KCNK13: variants seen among roughly 807,000 people sequenced by gnomAD.
The protein encoded by KCNK13 is potassium two pore domain channel subfamily K member 13, also known as potassium channel subfamily K member 13.
Under a neutral mutation model 23.4 loss-of-function variants are expected in KCNK13, and 12 were observed. The ratio of observed to expected loss-of-function variants is 0.51; its 90% CI spans 0.33 to 0.83. KCNK13 has a LOEUF of 0.83. Ranked by LOEUF, KCNK13 falls within the 40% of genes least tolerant of loss-of-function variation. KCNK13 has a pLI of 0.02. For synonymous variants in KCNK13, 231 were observed against 229.5 expected (o/e 1.01, Z -0.06); for missense variants, 463 against 556.3 (o/e 0.83, Z 1.69).
chr14:90,184,083 A>G lies in KCNK13; in HGVS notation c.335-28A>G. ...CCCATTCACAGCAAAGATTTCTCTT[A>G]CTCTTCTCTCATTTTTCTCTCCTGC... On this transcript the variant is annotated intron_variant, in intron 1 of 1. Transcript: ENST00000282146. The surrounding 1 kb of genome is among the most constrained non-coding windows in gnomAD (Gnocchi z 5.6). The G allele has an allele frequency of 2.5e-6, 4 of 1,591,444 alleles. No homozygotes were observed. Among genetic ancestry groups the G allele is most frequent in the Non-Finnish European group, 3.4e-6 (4 of 1,166,762 alleles).
At chr14:90,157,959 C>T (rs549887975) in intron 1 of KCNK13, among the ~76,000 whole-genome samples, 2 of 152,314 alleles carry the variant, frequency 1.3e-5, no homozygotes, top group African/African-American at 4.8e-5. Flanking sequence ...CCTCAGCCTC[C>T]CAGAGTGCTG....
chr14:90,136,414 A>G (rs1353396834), intron 1 of KCNK13, among the ~76,000 whole-genome samples: 1 of 151,984 alleles, frequency 6.6e-6, no homozygotes, highest in Non-Finnish European at 1.5e-5. Flanking sequence ...AGTCCAAGTG[A>G]GAAGAGAGAC....
intron 1 of KCNK13, among the ~76,000 whole-genome samples, chr14:90,068,830 G>A (rs372028356): frequency 6.6e-6 from 1 of 151,966 alleles, no homozygotes; most frequent in Non-Finnish European, 1.5e-5. Flanking sequence ...GAGGAGGTGA[G>A]CTCACCTGCT....
intron 1 of KCNK13, among the ~76,000 whole-genome samples, chr14:90,144,643 G>C (rs1425484155): frequency 1.3e-5 from 2 of 151,786 alleles, no homozygotes; most frequent in East Asian, 1.9e-4. Context: ...CCATGTCCTA[G>C]AGATGGGGTT....
intron 1 of KCNK13, among the ~76,000 whole-genome samples, chr14:90,136,138 G>C (rs1038867559): frequency 1.3e-5 from 2 of 152,030 alleles, no homozygotes; most frequent in African/African-American, 2.4e-5. Flanking sequence ...CCAGAATGTG[G>C]ATGACAGCAG....
At chr14:90,129,422 G>A (rs1250584953) in intron 1 of KCNK13, among the ~76,000 whole-genome samples, 1 of 152,122 alleles carries the variant, frequency 6.6e-6, no homozygotes, top group Non-Finnish European at 1.5e-5. Context: ...ACATATGGCT[G>A]CGCCCCATCC....
At chr14:90,140,356 C>G (rs1889990968) in intron 1 of KCNK13, among the ~76,000 whole-genome samples, 1 of 152,182 alleles carries the variant, frequency 6.6e-6, no homozygotes. Context: ...CAAAAACATT[C>G]TGGTTCTTGA....
rs149673815 is a variant in KCNK13, at chr14:90,092,441, G to A, written c.334+29902G>A. On this transcript the variant is annotated intron_variant, in intron 1 of 1. Transcript: ENST00000282146. ...ATGTAGGTTATGAAACACAGATGCAGTAAGGGCACACTTAAAAAGAAAGAA... is the reference window on the plus strand; with the variant it reads ...ATGTAGGTTATGAAACACAGATGCAATAAGGGCACACTTAAAAAGAAAGAA... Among the ~76,000 whole-genome samples the A allele has an allele frequency of 2.2e-3, 329 of 152,248 alleles. 2 individuals are homozygous for A. Among genetic ancestry groups the A allele is most frequent in the African/African-American group, 7.6e-3 (314 of 41,548 alleles).
chr14:90,062,306 G>C lies in KCNK13; in HGVS notation c.101G>C (p.Gly34Ala), dbSNP rs1298642355. The change falls in exon 1 of 2, where the codon GGC becomes GCC. Residue 34 changes from glycine (G) to alanine (A), a missense_variant. By Grantham distance (60) the Gly-to-Ala change is moderately conservative. Transcript: ENST00000282146. This position sits in a 1 kb window ranked among gnomAD's most constrained non-coding sequence, Gnocchi z 4.5. ...CTCATCGTGCTCTACCTGCTGGGCG[G>C]CGCCGCCGTCTTCTCCGCGCTGGAG... ...AALIVLYLLG[G>A]AAVFSALELA... 1 of 1,558,702 alleles carries C rather than the reference G, an allele frequency of 6.4e-7. No individual in the cohort carries two copies. Among genetic ancestry groups the C allele is most frequent in the Non-Finnish European group, 8.6e-7 (1 of 1,160,092 alleles).
chr14:90,141,800 G>GGGGT, intron 1 of KCNK13, among the ~76,000 whole-genome samples: 1 of 148,764 alleles, frequency 6.7e-6, no homozygotes, highest in South Asian at 2.1e-4. Flanking sequence ...TTTTTGGGGG[G>GGGGT]GGGGACGGAG....
intron 1 of KCNK13, among the ~76,000 whole-genome samples, chr14:90,177,008 G>A (rs916076176): frequency 1.2e-4 from 18 of 151,930 alleles, no homozygotes; most frequent in African/African-American, 4.4e-4. Flanking sequence ...GACAGAGCGG[G>A]ACTCCATCTC....
rs192481483 is a variant in KCNK13, at chr14:90,125,262, C to T, written c.335-58849C>T. Among the ~76,000 whole-genome samples the T allele has an allele frequency of 2.5e-3, 383 of 150,662 alleles. 1 individual carries two copies. Among genetic ancestry groups the T allele is most frequent in the African/African-American group, 9.1e-3 (375 of 41,016 alleles). On this transcript the variant is annotated intron_variant, in intron 1 of 1. Transcript: ENST00000282146. ...TTTTTGAGATGGAGTCTCACTCTGT[C>T]GCCGAGGCTGGAGTGCAGTGGCGTG... is the stretch of plus-strand genomic sequence containing the variant.
chr14:90,125,417 G>T (rs1163243860), intron 1 of KCNK13, among the ~76,000 whole-genome samples: 1 of 151,830 alleles, frequency 6.6e-6, no homozygotes, highest in Non-Finnish European at 1.5e-5. Flanking sequence ...TAGAGACGGG[G>T]TTTCACCATG....
At chr14:90,125,734 A>G (rs186504805) in intron 1 of KCNK13, among the ~76,000 whole-genome samples, 383 of 152,202 alleles carry the variant, frequency 2.5e-3, no homozygotes, top group Non-Finnish European at 4.6e-3. Flanking sequence ...TAAGTAAATT[A>G]AAGTTGGGTC....
At chr14:90,109,710 C>CT (rs34747181) in intron 1 of KCNK13, among the ~76,000 whole-genome samples, 161 of 137,276 alleles carry the variant, frequency 1.2e-3, no homozygotes, top group African/African-American at 4.2e-3. Context: ...GTGCCTGGCC[C>CT]TTTATTTTTT....
intron 1 of KCNK13, among the ~76,000 whole-genome samples, chr14:90,123,884 C>T (rs1889766761): frequency 1.3e-5 from 2 of 152,184 alleles, no homozygotes; most frequent in African/African-American, 2.4e-5. Context: ...GACTCAACCC[C>T]AGCTTCCCTT....
chr14:90,082,767 A>T (rs1433119822), intron 1 of KCNK13, among the ~76,000 whole-genome samples: 1 of 152,246 alleles, frequency 6.6e-6, no homozygotes, highest in Non-Finnish European at 1.5e-5. Context: ...TCCACAGAAC[A>T]CAAGTTTTCT....
Position 90,062,261 on chromosome 14 carries a change from G to A in KCNK13, c.56G>A (p.Arg19His). The A allele has an allele frequency of 6.7e-7, 1 of 1,502,782 alleles. No homozygotes were observed. The allele number at this position is 1,502,782 out of a possible 1,614,324, so 93.1% of individuals were successfully genotyped here. Residue 19 changes from arginine (R) to histidine (H), a missense_variant, in exon 1 of 2, where the codon CGC becomes CAC. Physicochemically the swap from Arg to His is conservative, Grantham distance 29 (BLOSUM62 0). Transcript: ENST00000282146. This position sits in a 1 kb window ranked among gnomAD's most constrained non-coding sequence, Gnocchi z 4.5. ...GPGHLNEDNA[R>H]FLLLAALIVL... Reference sequence around the variant, plus strand: ...GGCCACCTGAACGAGGACAACGCGCGCTTTCTGCTGCTGGCCGCGCTCATC... The same window carrying A: ...GGCCACCTGAACGAGGACAACGCGCACTTTCTGCTGCTGGCCGCGCTCATC...
At chr14:90,100,083 C>A (rs939569120) in intron 1 of KCNK13, among the ~76,000 whole-genome samples, 9 of 152,110 alleles carry the variant, frequency 5.9e-5, no homozygotes, top group African/African-American at 1.9e-4. Flanking sequence ...TTTGTATGTT[C>A]TGTGTTAGGA....
Sources: gnomAD v4.1 joint callset for allele counts (sites outside exome capture counted in the v4.1 genomes callset) on GRCh38, gnomAD v4.1.1 for gene constraint, Gnocchi (gnomAD v3.1) non-coding constraint, MANE v1.5 for transcripts, NCBI Gene and HGNC (gene_info 2026-07-23, HGNC 2026-07-21) for gene names.